The following TNS3 variants were observed in gnomAD, a reference collection of about 807,000 sequenced individuals.
The protein encoded by TNS3 is tensin 3.
In TNS3, 45 loss-of-function variants were observed where a neutral mutation model predicts 140.9. That is an observed-to-expected ratio of 0.32 (90% CI 0.25 to 0.41). The LOEUF (loss-of-function observed/expected upper bound fraction) is 0.41. TNS3 is among the 10% of genes least tolerant of loss of function. TNS3 has a pLI of 1.00. For missense variants in TNS3, 1,716 were observed against 1,906.7 expected, an observed-to-expected ratio of 0.90 and a Z score of 1.86; for synonymous variants, 815 against 788.4, an observed-to-expected ratio of 1.03 and a Z score of -0.56.
intron 10 of TNS3, among the ~76,000 whole-genome samples, chr7:47,423,447 C>T (rs1794484225): frequency 6.6e-6 from 1 of 152,232 alleles, no homozygotes; most frequent in African/African-American, 2.4e-5. Flanking sequence ...GAAAGTTCTG[C>T]ACCCCACCAT....
chr7:47,311,399 AGTGTGT>A (rs10617598), intron 20 of TNS3, among the ~76,000 whole-genome samples: 5,350 of 147,376 alleles, frequency 0.036, 116 homozygotes, highest in African/African-American at 0.06. Flanking sequence ...GAACTTAAAG[AGTGTGT>A]GTGTGTGTGT....
At chr7:47,311,271 G>C (rs1715499513) in intron 20 of TNS3, among the ~76,000 whole-genome samples, 1 of 152,202 alleles carries the variant, frequency 6.6e-6, no homozygotes, top group South Asian at 2.1e-4. Flanking sequence ...TGGGGGCAGG[G>C]GGAGGGATAG....
intron 8 of TNS3, among the ~76,000 whole-genome samples, chr7:47,433,038 A>T (rs1461064819): frequency 6.6e-6 from 1 of 152,170 alleles, no homozygotes; most frequent in South Asian, 2.1e-4. Context: ...TCAGTCAATA[A>T]CCAGGGTGTG....
At chr7:47,281,291 G>A (rs1054342042) in intron 28 of TNS3, among the ~76,000 whole-genome samples, 18 of 152,070 alleles carry the variant, frequency 1.2e-4, no homozygotes, top group African/African-American at 4.3e-4. Flanking sequence ...ATTCTCCTCC[G>A]GCTCACCTGC....
chr7:47,281,988 G>C (rs1031816386), intron 28 of TNS3, among the ~76,000 whole-genome samples: 1 of 149,136 alleles, frequency 6.7e-6, no homozygotes, highest in Middle Eastern at 4.0e-3. Flanking sequence ...CTGTAAGCCT[G>C]AGTCCACCAA....
chr7:47,450,157 A>G (rs1795949972), intron 4 of TNS3, among the ~76,000 whole-genome samples: 1 of 152,240 alleles, frequency 6.6e-6, no homozygotes, highest in African/African-American at 2.4e-5. Context: ...CCATCTGAAG[A>G]GGCATGAGGA....
chr7:47,561,736 G>A (rs1800323456), intron 1 of TNS3, among the ~76,000 whole-genome samples: 1 of 152,202 alleles, frequency 6.6e-6, no homozygotes, highest in Non-Finnish European at 1.5e-5. Flanking sequence ...TCAAAAGGTG[G>A]AATCTATTTC....
At chr7:47,556,002 A>G (rs1167808128) in intron 1 of TNS3, among the ~76,000 whole-genome samples, 1 of 152,244 alleles carries the variant, frequency 6.6e-6, no homozygotes, top group Non-Finnish European at 1.5e-5. Context: ...GTGTGCATGC[A>G]TGCATGCACG....
rs555065873 is a variant in TNS3 at position 47,373,607 on chromosome 7, T to C, written c.1025-3986A>G. ...CTCACCTCCTCAACAGGTGCTGCCC[T>C]ACCACCCTTTCCTCACTGAGTTTTT... is the stretch of plus-strand genomic sequence containing the variant. On this transcript the variant is annotated intron_variant, in intron 16 of 30. Coordinates refer to ENST00000311160, the MANE Select transcript of TNS3 (RefSeq NM_022748.12). Among the ~76,000 whole-genome samples, 4 of 152,346 alleles carry C rather than the reference T, an allele frequency of 2.6e-5. No individual in the cohort carries two copies. In the South Asian group the frequency reaches 8.3e-4, roughly 32 times the overall value.
At position 47,506,839 on chromosome 7, in the gene TNS3, A is replaced by C. The variant is rs947366387; in HGVS notation, c.-115+68T>G. 7.5e-6 allele frequency: 9 copies of C among 1,199,860 alleles called. No individual in the cohort carries two copies. The African/African-American group carries it at 1.4e-4, about 19-fold the overall frequency. 74.3% of individuals were successfully genotyped at this position (1,199,860 alleles called of 1,614,324 possible). A position where few individuals can be genotyped will look rare whatever the true frequency, so the allele number is the denominator to read the frequency against. On this transcript the variant is annotated intron_variant, in intron 3 of 30. Coordinates refer to ENST00000311160, the MANE Select transcript of TNS3 (RefSeq NM_022748.12). ...GGCTGCAGTCCAAAGAGGCCCCCCC[A>C]CACATATCATTCAATGAAGGCCAAG...
intron 2 of TNS3, among the ~76,000 whole-genome samples, chr7:47,522,827 C>T (rs1040633592): frequency 6.6e-6 from 1 of 151,114 alleles, no homozygotes; most frequent in Non-Finnish European, 1.5e-5. Context: ...ACTCGGGAGG[C>T]TGAGGCGGGA....
chr7:47,403,755 G>A (rs1282929318), intron 13 of TNS3, among the ~76,000 whole-genome samples: 1 of 152,130 alleles, frequency 6.6e-6, no homozygotes, highest in African/African-American at 2.4e-5. Context: ...CAGATCTTGA[G>A]ACAAAATCCA....
At chr7:47,354,416 T>A (rs1330963196) in intron 17 of TNS3, among the ~76,000 whole-genome samples, 32 of 143,174 alleles carry the variant, frequency 2.2e-4, no homozygotes, top group Admixed American at 2.2e-3. Flanking sequence ...AAACCCAAGC[T>A]CCCACACAGG....
chr7:47,339,881 T>C (rs1788851457), intron 20 of TNS3, among the ~76,000 whole-genome samples: 1 of 151,060 alleles, frequency 6.6e-6, no homozygotes, highest in Non-Finnish European at 1.5e-5. Flanking sequence ...TGTGCAGTTT[T>C]CAGCACAGAA....
intron 17 of TNS3, among the ~76,000 whole-genome samples, chr7:47,362,466 C>T (rs1297429921): frequency 6.6e-6 from 1 of 152,156 alleles, no homozygotes; most frequent in Non-Finnish European, 1.5e-5. Flanking sequence ...CTGTCCCAGA[C>T]CCCTGTATTT....
intron 8 of TNS3, among the ~76,000 whole-genome samples, chr7:47,432,087 G>A (rs1197187400): frequency 6.6e-6 from 1 of 151,934 alleles, no homozygotes; most frequent in Non-Finnish European, 1.5e-5. Flanking sequence ...TTCCATCACC[G>A]AAAAAAAGAG....
chr7:47,432,458 T>C (rs970628864), intron 8 of TNS3, among the ~76,000 whole-genome samples: 1 of 152,208 alleles, frequency 6.6e-6, no homozygotes, highest in Non-Finnish European at 1.5e-5. Flanking sequence ...TAAATATTAA[T>C]ATAAGAAATA....
chr7:47,501,046 CT>C lies in TNS3; in HGVS notation c.-115+5860del, dbSNP rs547459951. On this transcript the variant is annotated intron_variant, in intron 3 of 30. Transcript: ENST00000311160. ...GACGTTGCTGTGAAAGATCGCACCA[CT>C]GCATTCCAGCCCGGGTGACGGAGGG... Among the ~76,000 whole-genome samples, 1,057 of 152,122 alleles carry C rather than the reference CT, an allele frequency of 6.9e-3. 10 individuals are homozygous for C. Among genetic ancestry groups the C allele is most frequent in the African/African-American group, 0.024 (1,005 of 41,468 alleles).
intron 16 of TNS3, among the ~76,000 whole-genome samples, chr7:47,389,044 A>G (rs372674376): frequency 0.032 from 941 of 29,384 alleles, 145 homozygotes; most frequent in East Asian, 0.075. Flanking sequence ...AAGAAGAAGA[A>G]GAAGAAGAAG....
Sources: allele counts gnomAD v4.1 joint callset (sites outside exome capture counted in the v4.1 genomes callset), GRCh38; gene constraint gnomAD v4.1.1; transcripts MANE v1.5; gene names NCBI Gene and HGNC (gene_info 2026-07-23, HGNC 2026-07-21).